Variants in RBP4 observed in about 807,000 individuals in gnomAD.
RBP4 encodes the protein retinol binding protein 4, also known as retinol-binding protein 4.
RBP4 carries 9 observed loss-of-function variants against 26.2 expected under a neutral mutation model. The observed-to-expected ratio is 0.34, with a 90% CI of 0.21 to 0.60. The LOEUF is 0.60. Among genes scored for constraint, RBP4 ranks in the 20% least tolerant of loss-of-function variants. RBP4 has a pLI of 0.80. For missense variants in RBP4, 244 were observed against 271.3 expected (o/e 0.90, Z 0.71); for synonymous variants, 114 against 111.0 (o/e 1.03, Z -0.17).
At chr10:93,601,336 C>T (rs535723429), upstream of RBP4, 1,195 of 1,232,068 alleles carry the variant, frequency 9.7e-4, 14 homozygotes, top group African/African-American at 0.017. Flanking sequence ...GCGCCGGGGG[C>T]ACTTGCATAA....
chr10:93,600,523 A>T (rs1381725880), intron 3 of RBP4, 24 bp from the exon 4 acceptor site: 4 of 1,613,802 alleles, frequency 2.5e-6, no homozygotes, highest in Non-Finnish European at 3.4e-6. Context: ...GGGGATCCTC[A>T]GCCAAGCCGG....
chr10:93,594,240 A>T (rs1434878640), intron 4 of RBP4, among the ~76,000 whole-genome samples: 1 of 152,196 alleles, frequency 6.6e-6, no homozygotes, highest in East Asian at 1.9e-4. Context: ...TATTGAAAAA[A>T]ATCTTGGAGT....
intron 4 of RBP4, among the ~76,000 whole-genome samples, chr10:93,594,539 C>T (rs897202316): frequency 3.3e-5 from 5 of 152,204 alleles, no homozygotes; most frequent in Admixed American, 6.5e-5. Context: ...CTCTCTCAGT[C>T]CTCTGGAGGA....
chr10:93,601,171 C>G lies in RBP4; in HGVS notation c.-19G>C. 4.2e-6 allele frequency: 6 copies of G among 1,433,022 alleles called. No homozygotes were observed. The highest frequency in any genetic ancestry group is 5.4e-6 in the Non-Finnish European group (6 of 1,103,560). 88.8% of individuals were successfully genotyped at this position (1,433,022 alleles called of 1,614,324 possible). On this transcript the variant is annotated splice_region_variant and 5_prime_UTR_variant, in exon 1 of 6. Coordinates refer to ENST00000371464, the MANE Select transcript of RBP4 (RefSeq NM_006744.4). ...CCCCGAGGCCCCGGCCGCGACTCACCACCGGGAGGGGAACCGCGCGCAAGC... is the reference window on the plus strand; with the variant it reads ...CCCCGAGGCCCCGGCCGCGACTCACGACCGGGAGGGGAACCGCGCGCAAGC...
chr10:93,592,938 C>T (rs192838885), intron 5 of RBP4, among the ~76,000 whole-genome samples: 1 of 152,288 alleles, frequency 6.6e-6, no homozygotes, highest in East Asian at 1.9e-4. Context: ...CTGCCTCAAC[C>T]TCGTGAGCAG....
Position 93,592,076 on chromosome 10 carries a change from T to C in RBP4, c.605A>G (p.Ter202TrpextTer9), listed in dbSNP as rs1220954894. 3 of 1,613,450 alleles carry C rather than the reference T, an allele frequency of 1.9e-6. No individual in the cohort carries two copies. The highest frequency in any genetic ancestry group is 1.1e-5 in the South Asian group (1 of 91,074). Residue 202 changes from the stop codon to tryptophan, a stop_lost, in exon 6 of 6, where the codon TAG becomes TGG. Transcript: ENST00000371464. ...CDGRSERNLL[*>W] ...GATGAAACTAGATTCTTGATATTGC[T>C]ACAAAAGGTTTCTTTCTGATCTGCC...
chr10:93,596,997 T>C (rs1188816088), intron 4 of RBP4, among the ~76,000 whole-genome samples: 1 of 152,204 alleles, frequency 6.6e-6, no homozygotes, highest in African/African-American at 2.4e-5. Context: ...GAGGCCTTGA[T>C]ACCTGAGTAA....
At chr10:93,596,301 T>A (rs11187544) in intron 4 of RBP4, among the ~76,000 whole-genome samples, 12,161 of 152,152 alleles carry the variant, frequency 0.08, 665 homozygotes, top group Non-Finnish European at 0.12. Context: ...AATTGGCTAC[T>A]GTTCTTGACT....
chr10:93,592,291 G>C (rs1424148741), intron 5 of RBP4, among the ~76,000 whole-genome samples, 179 bp from the exon 6 acceptor site: 2 of 152,204 alleles, frequency 1.3e-5, no homozygotes, highest in Non-Finnish European at 2.9e-5. Context: ...CACCTTCAAG[G>C]CTGTTTCTGA....
At chr10:93,600,875 G>A in intron 2 of RBP4, 43 bp downstream of exon 2, 2 of 1,607,208 alleles carry the variant, frequency 1.2e-6, no homozygotes, top group Non-Finnish European at 1.7e-6. Context: ...GCGGGGATGG[G>A]GTGGGGACCT....
rs771831518 is a variant in RBP4, at chr10:93,600,513, G to A, written c.249-14C>T. On this transcript the variant is annotated splice_polypyrimidine_tract_variant and intron_variant, in intron 3 of 5. Coordinates refer to ENST00000371464, the MANE Select transcript of RBP4 (RefSeq NM_006744.4). The stretch of plus-strand genomic sequence containing the variant: ...ACGTCCCAGTTACTGCAAAAGCCAA[G>A]GGGATCCTCAGCCAAGCCGGGCAAA... 1 of 1,614,044 alleles carries A rather than the reference G, an allele frequency of 6.2e-7. No individual in the cohort carries two copies. The highest frequency in any genetic ancestry group is 1.6e-4 in the Middle Eastern group (1 of 6,062).
At chr10:93,601,454 CCAGGCCAAATG>C, upstream of RBP4, 1 of 1,076,082 alleles carries the variant, frequency 9.3e-7, no homozygotes, top group Non-Finnish European at 1.3e-6. Context: ...GTGGCCTCGG[CCAGGCCAAATG>C]CGCCAGCGGC....
intron 5 of RBP4, 142 bp from the exon 6 acceptor site, chr10:93,592,254 C>A: frequency 1.3e-6 from 1 of 748,150 alleles, no homozygotes; most frequent in Non-Finnish European, 2.4e-6. Context: ...GCAACCCTTA[C>A]GGATACAGGT....
At chr10:93,597,438 G>T (rs950095934) in intron 4 of RBP4, among the ~76,000 whole-genome samples, 1 of 152,168 alleles carries the variant, frequency 6.6e-6, no homozygotes, top group Non-Finnish European at 1.5e-5. Flanking sequence ...ACCTTAATTA[G>T]TCCTTCCAAT....
At chr10:93,601,120 C>A in intron 1 of RBP4, 51 bp downstream of exon 1, 1 of 1,518,902 alleles carries the variant, frequency 6.6e-7, no homozygotes, top group Non-Finnish European at 8.8e-7. Context: ...CCCACCCCAC[C>A]CCACCCCGGC....
At chr10:93,601,467 G>T, upstream of RBP4, 3 of 955,236 alleles carry the variant, frequency 3.1e-6, no homozygotes, top group African/African-American at 1.7e-5. Flanking sequence ...GGCCAAATGC[G>T]CCAGCGGCCC....
chr10:93,600,820 A>C lies in RBP4; in HGVS notation c.112-17T>G. 6.5e-7 allele frequency: 1 copy of C among 1,528,978 alleles called. No homozygotes were observed. The highest frequency in any genetic ancestry group is 8.8e-7 in the Non-Finnish European group (1 of 1,130,060). 94.7% of individuals were successfully genotyped at this position (1,528,978 alleles called of 1,614,324 possible). ...CCCAGAGAACTGTGAGAAGGATGAC[A>C]GCAGGGGTTTGGCGTCCGGGGGCGC... On this transcript the variant is annotated splice_polypyrimidine_tract_variant and intron_variant, in intron 2 of 5. Transcript: ENST00000371464.
At chr10:93,595,012 G>T (rs2058294094) in intron 4 of RBP4, among the ~76,000 whole-genome samples, 1 of 152,102 alleles carries the variant, frequency 6.6e-6, no homozygotes. Flanking sequence ...GGGGTGACAT[G>T]CGTCTGTGGT....
intron 5 of RBP4, among the ~76,000 whole-genome samples, chr10:93,592,469 C>T (rs973192044): frequency 1.3e-5 from 2 of 152,164 alleles, no homozygotes; most frequent in African/African-American, 4.8e-5. Context: ...ACCTGGGACA[C>T]ACTGGTGATG....
Sources: gnomAD v4.1 joint callset for allele counts (sites outside exome capture counted in the v4.1 genomes callset) on GRCh38, gnomAD v4.1.1 for gene constraint, MANE v1.5 for transcripts, NCBI Gene and HGNC (gene_info 2026-07-23, HGNC 2026-07-21) for gene names.